Variants in TBC1D19 observed in about 807,000 individuals in gnomAD.
The protein encoded by TBC1D19 is TBC1 domain family, member 19.
A neutral mutation model predicts 89.0 loss-of-function variants in TBC1D19; 60 were observed. The observed-to-expected ratio is 0.67, with a 90% CI of 0.55 to 0.84. TBC1D19 has a LOEUF of 0.84. TBC1D19 is among the 40% of genes least tolerant of loss of function. The pLI is 0.00. For synonymous variants in TBC1D19, 189 were observed against 199.7 expected, an observed-to-expected ratio of 0.95 and a Z score of 0.45; for missense variants, 500 against 610.8, an observed-to-expected ratio of 0.82 and a Z score of 1.91.
At chr4:26,611,841 A>G (rs1049811792) in intron 1 of TBC1D19, among the ~76,000 whole-genome samples, 1 of 151,800 alleles carries the variant, frequency 6.6e-6, no homozygotes, top group Non-Finnish European at 1.5e-5. Context: ...CTTCTTTTTT[A>G]TTACTCTATC....
At chr4:26,676,046 G>A (rs1321244604) in intron 11 of TBC1D19, among the ~76,000 whole-genome samples, 3 of 152,090 alleles carry the variant, frequency 2.0e-5, no homozygotes, top group Non-Finnish European at 2.9e-5. Flanking sequence ...ATTTCAGTTT[G>A]CTAAATTAAA....
At chr4:26,640,839 G>T (rs1320998523) in intron 7 of TBC1D19, among the ~76,000 whole-genome samples, 1 of 152,208 alleles carries the variant, frequency 6.6e-6, no homozygotes, top group East Asian at 1.9e-4. Flanking sequence ...GGCAAGCCTG[G>T]CTGGGGGAGG....
At chr4:26,622,012 C>T (rs945223757) in intron 4 of TBC1D19, among the ~76,000 whole-genome samples, 4 of 151,692 alleles carry the variant, frequency 2.6e-5, no homozygotes, top group South Asian at 2.1e-4. Flanking sequence ...CCAAACACCG[C>T]ATGTTCTCAC....
At chr4:26,793,062 A>G in the TBC1D19 span, among the ~76,000 whole-genome samples, 35 of 152,310 alleles carry the variant, frequency 2.3e-4, 1 homozygote, top group African/African-American at 7.7e-4. Context: ...AAATACCAAC[A>G]TCTAACAGAC....
At chr4:26,658,012 A>G (rs1744973352) in intron 7 of TBC1D19, among the ~76,000 whole-genome samples, 1 of 152,008 alleles carries the variant, frequency 6.6e-6, no homozygotes, top group South Asian at 2.1e-4. Context: ...TAGATTGCAA[A>G]ATTTTTCTCC....
chr4:26,850,926 A>G, the TBC1D19 span, among the ~76,000 whole-genome samples: 1 of 152,162 alleles, frequency 6.6e-6, no homozygotes. Flanking sequence ...TGGTGGACTG[A>G]GTGGGAAAGA....
At chr4:26,844,736 C>T in the TBC1D19 span, among the ~76,000 whole-genome samples, 1 of 152,098 alleles carries the variant, frequency 6.6e-6, no homozygotes, top group Admixed American at 6.6e-5. Context: ...TTTTCCTTTG[C>T]TGTCAGCTAA....
chr4:26,673,861 C>T lies in TBC1D19; in HGVS notation c.789C>T (p.Leu263=). Residue 263 remains leucine, a synonymous_variant, in exon 11 of 21, where the codon CTC becomes CTT. Coordinates refer to ENST00000264866, the MANE Select transcript of TBC1D19 (RefSeq NM_018317.4). ...PTALRAELWA[L]ILNISSQPED... ...CACTGAGAGCTGAATTGTGGGCTCT[C>T]ATTTTGAATATTTCCAGCCAACCTG... The T allele has an allele frequency of 6.2e-7, 1 of 1,603,452 alleles. No homozygotes were observed. Among genetic ancestry groups the T allele is most frequent in the Non-Finnish European group, 8.5e-7 (1 of 1,173,920 alleles).
chr4:26,817,603 A>G, the TBC1D19 span, among the ~76,000 whole-genome samples: 1 of 152,168 alleles, frequency 6.6e-6, no homozygotes, highest in South Asian at 2.1e-4. Flanking sequence ...CACAGAATCA[A>G]TCAGGGATTC....
At chr4:26,607,247 A>G (rs10008576) in intron 1 of TBC1D19, among the ~76,000 whole-genome samples, 7,617 of 152,152 alleles carry the variant, frequency 0.05, 662 homozygotes, top group African/African-American at 0.17. Context: ...TTTAAAGAAG[A>G]CTTAACTTTT....
the TBC1D19 span, among the ~76,000 whole-genome samples, chr4:26,847,294 A>G: frequency 6.6e-6 from 1 of 152,238 alleles, no homozygotes; most frequent in Admixed American, 6.5e-5. Context: ...GAGAAGGCCA[A>G]TGCAGGCATG....
chr4:26,673,438 T>TACACACACACACAC (rs1419263495), intron 10 of TBC1D19, among the ~76,000 whole-genome samples: 2 of 15,916 alleles, frequency 1.3e-4, no homozygotes, highest in African/African-American at 2.7e-4. Context: ...TATATATATA[T>TACACACACACACAC]ATATATATAC....
At chr4:26,590,811 T>TGG (rs1739738268) in intron 1 of TBC1D19, among the ~76,000 whole-genome samples, 1 of 125,784 alleles carries the variant, frequency 8.0e-6, no homozygotes, top group Admixed American at 8.5e-5. Flanking sequence ...TTTTTTTTTT[T>TGG]TTTTTTTTTT....
At chr4:26,836,630 A>G in the TBC1D19 span, among the ~76,000 whole-genome samples, 1,261 of 152,332 alleles carry the variant, frequency 8.3e-3, 23 homozygotes, top group African/African-American at 0.028. Context: ...AGCAGCAGAG[A>G]GAAGAGTCCT....
the TBC1D19 span, among the ~76,000 whole-genome samples, chr4:26,766,476 G>A: frequency 1.3e-5 from 2 of 152,128 alleles, no homozygotes; most frequent in Non-Finnish European, 2.9e-5. Flanking sequence ...CACTGTGTGA[G>A]GACACCTTCC....
chr4:26,704,629 A>G (rs1474107328), intron 13 of TBC1D19, among the ~76,000 whole-genome samples: 1 of 152,180 alleles, frequency 6.6e-6, no homozygotes, highest in East Asian at 1.9e-4. Flanking sequence ...GAAGATATTT[A>G]TTAAGCTCAC....
the TBC1D19 span, among the ~76,000 whole-genome samples, chr4:26,853,601 G>A: frequency 1.3e-5 from 2 of 151,904 alleles, no homozygotes; most frequent in Non-Finnish European, 2.9e-5. Context: ...GCAGTGGTGC[G>A]GTCTCGGCTC....
chr4:26,578,396 C>T (rs1377335683), intron 1 of TBC1D19, among the ~76,000 whole-genome samples: 2 of 152,106 alleles, frequency 1.3e-5, no homozygotes, highest in Admixed American at 1.3e-4. Context: ...ATATTGCAGC[C>T]GTCCTATTCT....
At chr4:26,727,553 G>A (rs762880146) in intron 15 of TBC1D19, among the ~76,000 whole-genome samples, 6 of 152,168 alleles carry the variant, frequency 3.9e-5, no homozygotes, top group Non-Finnish European at 1.5e-5. Context: ...CACCACACTG[G>A]CACACTTTAA....
Sources: allele counts gnomAD v4.1 joint callset (sites outside exome capture counted in the v4.1 genomes callset), GRCh38; gene constraint gnomAD v4.1.1; transcripts MANE v1.5; gene names NCBI Gene and HGNC (gene_info 2026-07-23, HGNC 2026-07-21).